Variants in AGAP5 observed in about 807,000 individuals in gnomAD.
AGAP5 encodes arf-GAP with GTPase, ANK repeat and PH domain-containing protein 5.
In AGAP5, 8 loss-of-function variants were observed where a neutral mutation model predicts 27.7. The observed-to-expected ratio is 0.29, with a 90% confidence interval of 0.17 to 0.52. The LOEUF is 0.52. AGAP5 is among the 20% of genes least tolerant of loss of function. AGAP5 has a pLI of 0.97. For synonymous variants in AGAP5, 111 were observed against 338.0 expected (o/e 0.33, Z 7.37); for missense variants, 285 against 880.8 (o/e 0.32, Z 8.56).
At chr10:73,692,006 A>C in intron 4 of AGAP5, 37 bp downstream of exon 4, 1 of 1,442,648 alleles carries the variant, frequency 6.9e-7, no homozygotes. Flanking sequence ...TTTTATGTCA[A>C]ACTATCAATT....
chr10:73,690,634 C>G (rs946843296), intron 4 of AGAP5, among the ~76,000 whole-genome samples: 18 of 149,352 alleles, frequency 1.2e-4, no homozygotes, highest in African/African-American at 4.4e-4. Flanking sequence ...AAGAGCACAA[C>G]TGCAAAATGT....
At chr10:73,690,510 C>T (rs1436615204) in intron 4 of AGAP5, among the ~76,000 whole-genome samples, 2 of 151,624 alleles carry the variant, frequency 1.3e-5, no homozygotes, top group Non-Finnish European at 2.9e-5. Context: ...AAACCAGAGA[C>T]CTTTGTTCAC....
intron 5 of AGAP5, chr10:73,681,324 T>C (rs1450457667): frequency 1.0e-6 from 1 of 985,354 alleles, no homozygotes; most frequent in Non-Finnish European, 1.2e-6. Flanking sequence ...CTGATTTTCC[T>C]AAAAGGCTTC....
In AGAP5 at chr10:73,697,863, C is replaced by G. The variant is rs2082176005; in HGVS notation, c.-108G>C. ...TGCTGCACTTGCAGAGATGGTCTTCCCGCTCCTCGCCTGCCCACCTCACAG... is the reference window on the plus strand; with the variant it reads ...TGCTGCACTTGCAGAGATGGTCTTCGCGCTCCTCGCCTGCCCACCTCACAG... On this transcript the variant is annotated 5_prime_UTR_variant, in exon 1 of 8. Transcript: ENST00000374094. The G allele has an allele frequency of 2.6e-6, 4 of 1,549,550 alleles. No homozygotes were observed.
At chr10:73,687,525 A>G (rs1311405168) in intron 4 of AGAP5, among the ~76,000 whole-genome samples, 2 of 152,270 alleles carry the variant, frequency 1.3e-5, no homozygotes, top group Non-Finnish European at 2.9e-5. Flanking sequence ...TTGGGCATTC[A>G]GGAAAACAGC....
At chr10:73,693,750 C>T (rs2082138530) in intron 3 of AGAP5, among the ~76,000 whole-genome samples, 1 of 151,690 alleles carries the variant, frequency 6.6e-6, no homozygotes, top group Admixed American at 6.6e-5. Flanking sequence ...CTCTCTCCTC[C>T]CTCTTTCACT....
chr10:73,694,496 C>T (rs1467561721), intron 3 of AGAP5, among the ~76,000 whole-genome samples: 2 of 152,146 alleles, frequency 1.3e-5, no homozygotes, highest in Non-Finnish European at 2.9e-5. Context: ...ACTCCTCCAT[C>T]ACATGACAAA....
chr10:73,689,661 G>A (rs1462827619), intron 4 of AGAP5, among the ~76,000 whole-genome samples: 3 of 151,886 alleles, frequency 2.0e-5, no homozygotes, highest in African/African-American at 7.3e-5. Context: ...GATGTGAGGA[G>A]CGTCTCTGCC....
rs150187993 is a variant in AGAP5 at position 73,676,965 on chromosome 10, A to G, written c.534-195T>C. On this transcript the variant is annotated intron_variant, in intron 6 of 7. Transcript: ENST00000374094. ...TCAGCACATCATGGCCTGTACCGTG[A>G]AGCCTTTTATATGATAACCAGTCAG... is the stretch of plus-strand genomic sequence containing the variant. 4.2e-3 allele frequency among the ~76,000 whole-genome samples: 634 copies of G among 152,242 alleles called. 15 individuals are homozygous for G. In the East Asian group the frequency reaches 0.048, roughly 12 times the overall value.
intron 3 of AGAP5, among the ~76,000 whole-genome samples, chr10:73,692,703 C>G (rs1372604644): frequency 4.7e-5 from 6 of 127,392 alleles, no homozygotes; most frequent in Admixed American, 9.8e-5. Context: ...AGTGCAGTGG[C>G]GGGATCTCAG....
intron 2 of AGAP5, among the ~76,000 whole-genome samples, chr10:73,695,593 A>G (rs1381456214): frequency 1.3e-5 from 2 of 152,276 alleles, no homozygotes; most frequent in Admixed American, 6.5e-5. Context: ...ATTAATTCAC[A>G]TAATACATTT....
rs1385681493 is a variant in AGAP5, at chr10:73,694,794, A to G, written c.303T>C (p.Phe101=). 2 of 1,598,326 alleles carry G rather than the reference A, an allele frequency of 1.3e-6. No homozygotes were observed. The highest frequency in any genetic ancestry group is 1.7e-6 in the Non-Finnish European group (2 of 1,179,698). ...QRNSQTDALE[F]NPSANPEAST... ...TTGCCTCTGGATTGGCAGAAGGGTT[A>G]AACTCCAAAGCTATATGCATAGAGG... Residue 101 remains phenylalanine (F), a synonymous_variant, in exon 3 of 8, where the codon TTT becomes TTC. Coordinates refer to ENST00000374094, the MANE Select transcript of AGAP5 (RefSeq NM_001144000.4).
intron 4 of AGAP5, among the ~76,000 whole-genome samples, chr10:73,688,291 T>G (rs1227043834): frequency 6.6e-6 from 1 of 152,160 alleles, no homozygotes; most frequent in Admixed American, 6.5e-5. Flanking sequence ...GAAACTGAAA[T>G]GTCTTCAATA....
chr10:73,677,780 G>A (rs3878025), intron 6 of AGAP5, among the ~76,000 whole-genome samples: 1 of 151,860 alleles, frequency 6.6e-6, no homozygotes, highest in African/African-American at 2.4e-5. Context: ...CTGCTTTTTC[G>A]TTGACACTTG....
intron 4 of AGAP5, among the ~76,000 whole-genome samples, chr10:73,686,767 C>CAT (rs924334131): frequency 1.7e-4 from 26 of 152,014 alleles, no homozygotes; most frequent in East Asian, 1.3e-3. Context: ...GATATACATA[C>CAT]ATATATATAT....
intron 2 of AGAP5, among the ~76,000 whole-genome samples, chr10:73,695,449 C>T (rs1359606455): frequency 6.6e-6 from 1 of 152,162 alleles, no homozygotes; most frequent in African/African-American, 2.4e-5. Flanking sequence ...CAATAAAGAG[C>T]CATTTTTGGG....
In AGAP5 at chr10:73,697,917, G is replaced by A. The variant is rs942148303; in HGVS notation, c.-162C>T. ...GGCCCCGGGCACCATCCCTGGCCCC[G>A]GCCCCGGCCCCGGCTAGGGCTGCGG... On this transcript the variant is annotated 5_prime_UTR_variant, in exon 1 of 8. Coordinates refer to ENST00000374094, the MANE Select transcript of AGAP5 (RefSeq NM_001144000.4). The A allele has an allele frequency of 1.6e-5, 24 of 1,529,772 alleles. No homozygotes were observed. Among genetic ancestry groups the A allele is most frequent in the Admixed American group, 2.0e-5 (1 of 50,784 alleles). 94.8% of individuals were successfully genotyped at this position (1,529,772 alleles called of 1,614,324 possible).
Position 73,686,594 on chromosome 10 carries a change from C to G in AGAP5, c.397-3800G>C, listed in dbSNP as rs545426220. ...TCTGCACAGGAAGAGGAACAATCAG[C>G]AGAGTATACAGACAACCACAGAGTG... On this transcript the variant is annotated intron_variant, in intron 4 of 7. Coordinates refer to ENST00000374094, the MANE Select transcript of AGAP5 (RefSeq NM_001144000.4). Among the ~76,000 whole-genome samples, 8 of 152,292 alleles carry G rather than the reference C, an allele frequency of 5.3e-5. No homozygotes were observed. The South Asian group carries it at 1.2e-3, about 24-fold the overall frequency.
At chr10:73,692,947 A>C (rs2082131607) in intron 3 of AGAP5, among the ~76,000 whole-genome samples, 1 of 152,086 alleles carries the variant, frequency 6.6e-6, no homozygotes, top group Non-Finnish European at 1.5e-5. Context: ...GCCTGGCCTA[A>C]ATTTTGATGT....
Sources: allele counts gnomAD v4.1 joint callset (sites outside exome capture counted in the v4.1 genomes callset), GRCh38; gene constraint gnomAD v4.1.1; transcripts MANE v1.5; gene names NCBI Gene and HGNC (gene_info 2026-07-23, HGNC 2026-07-21).